FREM2: variants seen among roughly 807,000 people sequenced by gnomAD.
FREM2 encodes the protein FRAS1 related extracellular matrix 2, also known as FRAS1-related extracellular matrix protein 2.
A neutral mutation model predicts 219.9 loss-of-function variants in FREM2; 119 were observed. The ratio of observed to expected loss-of-function variants is 0.54; its 90% CI spans 0.47 to 0.63. FREM2 has a LOEUF of 0.63. Among genes scored for constraint, FREM2 ranks in the 30% least tolerant of loss-of-function variants. The probability of loss-of-function intolerance (pLI) is 0.00; values close to 1 mark genes in which losing one functional copy is unlikely to be tolerated. For synonymous variants in FREM2, 1,562 were observed against 1,522.8 expected (o/e 1.03, Z -0.60); for missense variants, 4,030 against 3,993.6 (o/e 1.01, Z -0.25).
At chr13:38,832,034 G>A (rs1162895297) in intron 6 of FREM2, among the ~76,000 whole-genome samples, 2 of 152,050 alleles carry the variant, frequency 1.3e-5, no homozygotes, top group African/African-American at 4.8e-5. Context: ...AAGTGAGTAG[G>A]CCAGGGACAG....
In FREM2 at chr13:38,878,137, A is replaced by T. The variant is rs757325874; in HGVS notation, c.8675A>T (p.Asp2892Val). Residue 2892 changes from aspartate (D) to valine (V), a missense_variant, in exon 22 of 24, where the codon GAT becomes GTT. Transcript: ENST00000280481. ...CATTTCCACATCTCTATTTCAGGTG[A>T]TATAATTTATGGTCGTGTCATGGTG... ...QESDVAFAEG[D>V]IIYGRVMVDP... is the part of the protein sequence containing the mutation. 1 of 1,612,124 alleles carries T rather than the reference A, an allele frequency of 6.2e-7. No individual in the cohort carries two copies. Among genetic ancestry groups the T allele is most frequent in the East Asian group, 2.2e-5 (1 of 44,844 alleles).
chr13:38,872,925 G>T lies in FREM2; in HGVS notation c.8167G>T (p.Glu2723Ter). ...NDGIGSPPEA[E>*]LQGSLYPTSM... ...TGGAATTGGCAGCCCCCCAGAGGCT[G>T]AACTTCAAGGTGAGTTCAGAAGACT... Residue 2723 changes from glutamate to a stop codon, truncating the protein, a stop_gained, in exon 17 of 24, where the codon GAA (glutamate) becomes TAA (stop). Coordinates refer to ENST00000280481, the MANE Select transcript of FREM2 (RefSeq NM_207361.6). LOFTEE classifies it high-confidence loss of function. The T allele has an allele frequency of 1.2e-6, 2 of 1,613,516 alleles. No individual in the cohort carries two copies. The highest frequency in any genetic ancestry group is 2.2e-5 in the South Asian group (2 of 91,036).
At chr13:38,715,673 A>G (rs995604108) in intron 2 of FREM2, among the ~76,000 whole-genome samples, 2 of 151,730 alleles carry the variant, frequency 1.3e-5, no homozygotes, top group East Asian at 1.9e-4. Context: ...TAATGGCCCT[A>G]TTGTCTTAGA....
rs571271295 is a variant in FREM2, at chr13:38,832,053, G to A, written c.6020-14520G>A. Reference sequence around the variant, plus strand: ...GAGTAGGCCAGGGACAGTGGCTCACGCCTGTAATCCTACCTGTCTTGGAGG... The same window carrying A: ...GAGTAGGCCAGGGACAGTGGCTCACACCTGTAATCCTACCTGTCTTGGAGG... On this transcript the variant is annotated intron_variant, in intron 6 of 23. Transcript: ENST00000280481. Among the ~76,000 whole-genome samples, 7 of 152,154 alleles carry A rather than the reference G, an allele frequency of 4.6e-5. No individual in the cohort carries two copies. The South Asian group carries it at 8.3e-4, about 18-fold the overall frequency.
intron 6 of FREM2, among the ~76,000 whole-genome samples, chr13:38,831,869 C>G (rs555316901): frequency 6.6e-6 from 1 of 151,990 alleles, no homozygotes; most frequent in Admixed American, 6.6e-5. Context: ...ATCTGCCTGC[C>G]TTGGCCTACC....
chr13:38,735,462 C>T (rs1871952476), intron 2 of FREM2, among the ~76,000 whole-genome samples: 2 of 152,078 alleles, frequency 1.3e-5, no homozygotes, highest in South Asian at 4.2e-4. Context: ...CTGATTATAT[C>T]TGTGAAAAGG....
chr13:38,781,341 CT>C (rs797016297), intron 4 of FREM2, among the ~76,000 whole-genome samples: 159 of 151,598 alleles, frequency 1.0e-3, no homozygotes, highest in African/African-American at 3.4e-3. Context: ...CTACCAGAGA[CT>C]TTTTTTTTCG....
intron 3 of FREM2, among the ~76,000 whole-genome samples, chr13:38,768,832 G>A (rs73184757): frequency 0.026 from 3,951 of 152,190 alleles, 78 homozygotes; most frequent in Non-Finnish European, 0.037. Context: ...ATCATCTTGC[G>A]ATGTAGTTAG....
chr13:38,852,271 T>C (rs560694301), intron 11 of FREM2, among the ~76,000 whole-genome samples: 1 of 152,350 alleles, frequency 6.6e-6, no homozygotes, highest in Admixed American at 6.5e-5. Context: ...AATTAAAATA[T>C]AGACATACTC....
intron 6 of FREM2, chr13:38,827,438 A>G (rs1876335355): frequency 6.6e-6 from 1 of 152,100 alleles, no homozygotes; most frequent in Non-Finnish European, 1.5e-5. Context: ...CAAAATGATT[A>G]CTTTTGAATA....
In FREM2 at chr13:38,769,714, G is replaced by T; in HGVS notation, c.5547G>T (p.Gln1849His). The T allele has an allele frequency of 6.2e-7, 1 of 1,614,148 alleles. No individual in the cohort carries two copies. The change falls in exon 4 of 24, where the codon CAG becomes CAT. Residue 1849 changes from glutamine (Q) to histidine (H), a missense_variant. Around this residue, in one of 2 missense-constraint regions of FREM2, gnomAD observed 3,102 missense variants for 2,950.7 expected, o/e 1.05. Coordinates refer to ENST00000280481, the MANE Select transcript of FREM2 (RefSeq NM_207361.6). ...TCCTGAGTGATGGGGAGCATGAGCA[G>T]TCTGAAACCTTTCAGGTGGTACTCT... ...VRILSDGEHEQSETFQVVLSE... is the reference protein window; with the variant it reads ...VRILSDGEHEHSETFQVVLSE...
chr13:38,779,036 A>G (rs1482891075), intron 4 of FREM2, among the ~76,000 whole-genome samples: 8 of 152,198 alleles, frequency 5.3e-5, no homozygotes, highest in Admixed American at 6.5e-5. Context: ...TATTTGGTGA[A>G]AACCTTACTT....
chr13:38,708,991 C>A (rs908554996), intron 2 of FREM2, among the ~76,000 whole-genome samples: 8 of 152,128 alleles, frequency 5.3e-5, no homozygotes, highest in African/African-American at 1.9e-4. Flanking sequence ...AACTCCTGAC[C>A]TCAGGTGATC....
chr13:38,765,754 C>G (rs181991751), intron 3 of FREM2, among the ~76,000 whole-genome samples: 32 of 152,132 alleles, frequency 2.1e-4, no homozygotes, highest in African/African-American at 7.5e-4. Context: ...GGTTTTCACA[C>G]GACACTTTCC....
At chr13:38,797,676 G>A (rs1172153959) in intron 6 of FREM2, among the ~76,000 whole-genome samples, 3 of 152,006 alleles carry the variant, frequency 2.0e-5, no homozygotes, top group East Asian at 3.9e-4. Context: ...TGTAAAATCT[G>A]CCTAGACAAA....
chr13:38,761,651 T>C (rs375551400), intron 2 of FREM2, among the ~76,000 whole-genome samples: 9 of 151,790 alleles, frequency 5.9e-5, no homozygotes, highest in East Asian at 1.9e-4. Context: ...CTATACAGAG[T>C]AATCAATAAG....
At chr13:38,814,402 A>G (rs1436086157) in intron 6 of FREM2, among the ~76,000 whole-genome samples, 1 of 152,176 alleles carries the variant, frequency 6.6e-6, no homozygotes, top group Non-Finnish European at 1.5e-5. Context: ...ATTTTTGCAG[A>G]CTCATAGAGG....
chr13:38,876,448 A>T lies in FREM2; in HGVS notation c.8544+66A>T, dbSNP rs1482655608. 425 of 1,128,314 alleles carry T rather than the reference A, an allele frequency of 3.8e-4. No individual in the cohort carries two copies. The East Asian group carries it at 9.1e-3, about 24-fold the overall frequency. The allele number at this position is 1,128,314 out of a possible 1,614,324, so 69.9% of individuals were successfully genotyped here. On this transcript the variant is annotated intron_variant, in intron 20 of 23. Transcript: ENST00000280481. ...CCACTTTGTTTTTCATTTATTAGTA[A>T]AAAAAAAAAAAATCCACACGTGAAT...
At chr13:38,717,476 G>C (rs1395832773) in intron 2 of FREM2, among the ~76,000 whole-genome samples, 1 of 139,046 alleles carries the variant, frequency 7.2e-6, no homozygotes, top group Non-Finnish European at 1.5e-5. Context: ...GAGTGCAGTG[G>C]CACAAACTCG....
Sources: allele counts gnomAD v4.1 joint callset (sites outside exome capture counted in the v4.1 genomes callset), GRCh38; gene constraint gnomAD v4.1.1; regional missense constraint gnomAD v4.1.1; transcripts MANE v1.5; gene names NCBI Gene and HGNC (gene_info 2026-07-23, HGNC 2026-07-21).